ROR2: variants seen among roughly 807,000 people sequenced by gnomAD.
The protein encoded by ROR2 is ROR family WNT receptor 2.
A neutral mutation model predicts 74.9 loss-of-function variants in ROR2; 33 were observed. That is an observed-to-expected ratio of 0.44 (90% CI 0.33 to 0.59). ROR2 has a LOEUF of 0.59. Among genes scored for constraint, ROR2 ranks in the 20% least tolerant of loss-of-function variants. The pLI is 0.02. For missense variants in ROR2, 1,216 were observed against 1,313.8 expected, an observed-to-expected ratio of 0.93 and a Z score of 1.15; for synonymous variants, 586 against 558.7, an observed-to-expected ratio of 1.05 and a Z score of -0.69.
intron 1 of ROR2, among the ~76,000 whole-genome samples, chr9:91,853,535 C>T (rs1829180086): frequency 6.6e-6 from 1 of 152,176 alleles, no homozygotes; most frequent in African/African-American, 2.4e-5. Context: ...CCCTGATCAA[C>T]ACAAGAGACT....
At chr9:91,885,341 G>A (rs1830241921) in intron 1 of ROR2, among the ~76,000 whole-genome samples, 4 of 152,174 alleles carry the variant, frequency 2.6e-5, no homozygotes, top group Admixed American at 1.3e-4. Flanking sequence ...TGTGGAGGGA[G>A]ATGGGGATGT....
At chr9:91,873,480 C>T (rs1829866285) in intron 1 of ROR2, among the ~76,000 whole-genome samples, 4 of 152,164 alleles carry the variant, frequency 2.6e-5, no homozygotes, top group African/African-American at 9.7e-5. Flanking sequence ...CCCAGCTACT[C>T]GTTAGGCTGA....
intron 1 of ROR2, among the ~76,000 whole-genome samples, chr9:91,907,084 T>C (rs759205688): frequency 1.7e-4 from 26 of 152,150 alleles, no homozygotes; most frequent in Admixed American, 3.9e-4. Flanking sequence ...TTTTTTTTAA[T>C]TGAGGGAGAC....
intron 1 of ROR2, among the ~76,000 whole-genome samples, chr9:91,914,466 G>A (rs578104185): frequency 2.9e-4 from 44 of 152,230 alleles, no homozygotes; most frequent in African/African-American, 1.0e-3. Flanking sequence ...AGAGAGCTGC[G>A]GGGAGGTGGT....
intron 1 of ROR2, among the ~76,000 whole-genome samples, chr9:91,867,656 CTGTGTGTG>C (rs57475950): frequency 0.014 from 1,849 of 131,362 alleles, 14 homozygotes; most frequent in African/African-American, 0.019. Context: ...CACCCATGAG[CTGTGTGTG>C]TGTGTGTGTG....
intron 1 of ROR2, among the ~76,000 whole-genome samples, chr9:91,930,774 C>T (rs952329485): frequency 6.6e-6 from 1 of 152,168 alleles, no homozygotes. Context: ...AAACAGAATA[C>T]AGCAAACAGA....
intron 1 of ROR2, among the ~76,000 whole-genome samples, chr9:91,811,954 G>A (rs1354076126): frequency 3.3e-5 from 5 of 152,092 alleles, no homozygotes; most frequent in African/African-American, 1.2e-4. Context: ...TCTTAGTCAG[G>A]GATATCCAAT....
chr9:91,884,451 T>C (rs1163192400), intron 1 of ROR2, among the ~76,000 whole-genome samples: 8 of 140,908 alleles, frequency 5.7e-5, no homozygotes, highest in Admixed American at 1.5e-4. Context: ...AATTACTTAC[T>C]CTCCACTTAC....
rs36044426 is a variant in ROR2, at chr9:91,848,764, GAAAAAAA to G, written c.98-72953_98-72947del. On this transcript the variant is annotated intron_variant, in intron 1 of 8. Coordinates refer to ENST00000375708, the MANE Select transcript of ROR2 (RefSeq NM_004560.4). ...AGTGAGACTCCGTCTCAGGGGGGAA[GAAAAAAA>G]AAAAAAAAAAAAAAACAGTTGGACC... Among the ~76,000 whole-genome samples, 1,011 of 103,774 alleles carry G rather than the reference GAAAAAAA, an allele frequency of 9.7e-3. 6 individuals carry two copies. The highest frequency in any genetic ancestry group is 0.011 in the Non-Finnish European group (570 of 49,790). The allele number at this position is 103,774 out of a possible 152,430, so 68.1% of individuals were successfully genotyped here.
At chr9:91,741,341 T>A (rs867965339) in intron 4 of ROR2, among the ~76,000 whole-genome samples, 1 of 132,934 alleles carries the variant, frequency 7.5e-6, no homozygotes, top group Admixed American at 7.7e-5. Context: ...ATAATAATAA[T>A]AAAATAATGA....
At chr9:91,755,384 T>C (rs942495890) in intron 4 of ROR2, among the ~76,000 whole-genome samples, 1 of 152,198 alleles carries the variant, frequency 6.6e-6, no homozygotes, top group Non-Finnish European at 1.5e-5. Context: ...CCAATATGTC[T>C]GAGGAGGAAA....
intron 1 of ROR2, among the ~76,000 whole-genome samples, chr9:91,837,205 G>A (rs1828635942): frequency 6.6e-6 from 1 of 152,088 alleles, no homozygotes; most frequent in Non-Finnish European, 1.5e-5. Flanking sequence ...CCAAGCGAGT[G>A]CAGTGGCGCG....
chr9:91,739,667 G>A (rs957026801), intron 4 of ROR2, among the ~76,000 whole-genome samples: 1 of 152,250 alleles, frequency 6.6e-6, no homozygotes, highest in African/African-American at 2.4e-5. Context: ...TCAAAGAACA[G>A]AACCTGGAGC....
Position 91,724,365 on chromosome 9 carries a change from A to G in ROR2, c.2129T>C (p.Val710Ala), listed in dbSNP as rs750431815. ...DVVEMIRNRQ[V>A]LPCPDDCPAW... ...GGGACAGTCATCGGGGCAAGGCAGC[A>G]CCTGCCGGTTCCGGATCATCTCCAC... The change falls in exon 9 of 9, where the codon GTG becomes GCG. Residue 710 changes from valine to alanine, a missense_variant. Transcript: ENST00000375708. 6.2e-7 allele frequency: 1 copy of G among 1,613,258 alleles called. No individual in the cohort carries two copies.
intron 1 of ROR2, among the ~76,000 whole-genome samples, chr9:91,777,282 T>C (rs897747958): frequency 1.3e-5 from 2 of 152,130 alleles, no homozygotes; most frequent in South Asian, 2.1e-4. Context: ...CAGGGCTCAG[T>C]GTTTTCAGCA....
At chr9:91,906,753 G>A (rs563554891) in intron 1 of ROR2, among the ~76,000 whole-genome samples, 44 of 152,174 alleles carry the variant, frequency 2.9e-4, no homozygotes, top group African/African-American at 1.0e-3. Context: ...GCAGTAGCTG[G>A]AGGGAGAACC....
At chr9:91,729,295 G>C (rs1212844207) in intron 7 of ROR2, among the ~76,000 whole-genome samples, 1 of 152,180 alleles carries the variant, frequency 6.6e-6, no homozygotes, top group Non-Finnish European at 1.5e-5. Context: ...CCTACAACCT[G>C]CTTTTGTTCC....
At chr9:91,895,465 G>A (rs1186456577) in intron 1 of ROR2, among the ~76,000 whole-genome samples, 4 of 152,176 alleles carry the variant, frequency 2.6e-5, no homozygotes, top group Non-Finnish European at 5.9e-5. Flanking sequence ...CACTCTGGTA[G>A]GGGATGTTGG....
chr9:91,948,973 C>A (rs1243718991), intron 1 of ROR2: 1 of 953,828 alleles, frequency 1.0e-6, no homozygotes, highest in African/African-American at 1.8e-5. Context: ...AGCTGCACTT[C>A]CGAACCTCCC....
Sources: gnomAD v4.1 joint callset for allele counts (sites outside exome capture counted in the v4.1 genomes callset) on GRCh38, gnomAD v4.1.1 for gene constraint, MANE v1.5 for transcripts, NCBI Gene and HGNC (gene_info 2026-07-23, HGNC 2026-07-21) for gene names.